The following HDAC9 variants were observed in gnomAD, a reference collection of about 807,000 sequenced individuals.
The protein encoded by HDAC9 is MEF-2 interacting transcription repressor (MITR) protein.
Under a neutral mutation model 139.4 loss-of-function variants are expected in HDAC9, and 41 were observed. The ratio of observed to expected loss-of-function variants is 0.29; its 90% CI spans 0.23 to 0.38. The LOEUF (loss-of-function observed/expected upper bound fraction) is 0.38, where lower values mean the gene tolerates loss of function less well. Among genes scored for constraint, HDAC9 ranks in the 10% least tolerant of loss-of-function variants. HDAC9 has a pLI of 1.00. For missense variants in HDAC9, 1,147 were observed against 1,297.0 expected (o/e 0.88, Z 1.78); for synonymous variants, 517 against 476.2 (o/e 1.09, Z -1.12).
chr7:18,667,849 T>C (rs879140677), intron 12 of HDAC9: 5 of 983,976 alleles, frequency 5.1e-6, no homozygotes, highest in Non-Finnish European at 6.0e-6. Flanking sequence ...CCTTTTGATA[T>C]GTTTACCTTG....
intron 2 of HDAC9, among the ~76,000 whole-genome samples, chr7:18,527,963 T>A (rs1051457019): frequency 6.6e-6 from 1 of 152,066 alleles, no homozygotes; most frequent in African/African-American, 2.4e-5. Context: ...ACTGTAGTTA[T>A]TTTTAAAAAA....
chr7:18,176,651 T>A (rs578023570), intron 2 of HDAC9, among the ~76,000 whole-genome samples: 6 of 152,324 alleles, frequency 3.9e-5, no homozygotes, highest in African/African-American at 7.2e-5. Flanking sequence ...GGTAATTTTT[T>A]AAAAAATTTA....
intron 23 of HDAC9, among the ~76,000 whole-genome samples, chr7:18,953,145 A>G (rs1386439113): frequency 1.3e-5 from 2 of 152,048 alleles, no homozygotes; most frequent in Non-Finnish European, 2.9e-5. Context: ...TCATGCTTTG[A>G]TGCGTCTAGT....
intron 6 of HDAC9, among the ~76,000 whole-genome samples, chr7:18,599,801 C>G (rs1833461377): frequency 6.6e-6 from 1 of 151,938 alleles, no homozygotes. Context: ...GGGTAAATAC[C>G]TAGGAGTACA....
intron 2 of HDAC9, among the ~76,000 whole-genome samples, chr7:18,539,087 T>G (rs1285944118): frequency 6.6e-6 from 1 of 152,186 alleles, no homozygotes; most frequent in Non-Finnish European, 1.5e-5. Flanking sequence ...CTCCAAATGC[T>G]ATCAACATAT....
intron 2 of HDAC9, among the ~76,000 whole-genome samples, chr7:18,164,253 AC>A (rs1562694986): frequency 6.6e-6 from 1 of 152,032 alleles, no homozygotes; most frequent in Non-Finnish European, 1.5e-5. Flanking sequence ...ATGATCAGAG[AC>A]CTGAAATTCA....
At chr7:18,422,738 A>G (rs1355385258) in intron 1 of HDAC9, among the ~76,000 whole-genome samples, 1 of 18,508 alleles carries the variant, frequency 5.4e-5, no homozygotes, top group Admixed American at 1.1e-3. Flanking sequence ...TAAGACACAC[A>G]CACGCGCACA....
At chr7:18,128,664 A>G (rs1031165687) in intron 1 of HDAC9, among the ~76,000 whole-genome samples, 3 of 152,198 alleles carry the variant, frequency 2.0e-5, no homozygotes, top group South Asian at 4.2e-4. Context: ...ATGCACTTAG[A>G]TTTGACTACA....
intron 2 of HDAC9, among the ~76,000 whole-genome samples, chr7:18,269,328 A>T (rs139543435): frequency 0.013 from 1,946 of 152,260 alleles, 19 homozygotes; most frequent in Non-Finnish European, 0.02. Context: ...AAAAAATGAG[A>T]AGTGGGTGTT....
intron 22 of HDAC9, among the ~76,000 whole-genome samples, chr7:18,884,343 AAC>A (rs1477025195): frequency 6.6e-6 from 1 of 152,214 alleles, no homozygotes; most frequent in Non-Finnish European, 1.5e-5. Context: ...GTGGCATAAA[AAC>A]AGACACATAG....
At chr7:18,565,934 C>T (rs1300236689) in intron 2 of HDAC9, among the ~76,000 whole-genome samples, 1 of 151,322 alleles carries the variant, frequency 6.6e-6, no homozygotes, top group Non-Finnish European at 1.5e-5. Flanking sequence ...CTTTATTAAG[C>T]AATGTGGGAG....
At chr7:18,593,755 A>C (rs774186522) in intron 5 of HDAC9, among the ~76,000 whole-genome samples, 153 bp from the exon 6 acceptor site, 12 of 152,168 alleles carry the variant, frequency 7.9e-5, no homozygotes, top group Non-Finnish European at 1.6e-4. Context: ...TGCTACAGTG[A>C]ACTTGGTTAT....
chr7:18,380,531 A>G (rs1785340032), intron 1 of HDAC9, among the ~76,000 whole-genome samples: 1 of 152,222 alleles, frequency 6.6e-6, no homozygotes, highest in Non-Finnish European at 1.5e-5. Flanking sequence ...AGTCATCTGT[A>G]TAGAGAGGAA....
intron 17 of HDAC9, among the ~76,000 whole-genome samples, chr7:18,804,185 C>A (rs2520343): frequency 0.41 from 61,783 of 152,002 alleles, 14,580 homozygotes; most frequent in African/African-American, 0.66. Context: ...TTAAGGGAAG[C>A]ATTATGTAGA....
chr7:18,380,212 G>C (rs1224245220), intron 1 of HDAC9, among the ~76,000 whole-genome samples: 1 of 151,920 alleles, frequency 6.6e-6, no homozygotes, highest in East Asian at 1.9e-4. Context: ...TCAAATAATG[G>C]GTTAACGTAT....
At chr7:18,610,902 G>T (rs530949733) in intron 6 of HDAC9, among the ~76,000 whole-genome samples, 1 of 152,270 alleles carries the variant, frequency 6.6e-6, no homozygotes, top group Admixed American at 6.5e-5. Flanking sequence ...AGTTTATTCA[G>T]AAGCAGGATT....
intron 1 of HDAC9, among the ~76,000 whole-genome samples, chr7:18,343,994 CA>C (rs1431207254): frequency 6.6e-6 from 1 of 151,724 alleles, no homozygotes; most frequent in Non-Finnish European, 1.5e-5. Context: ...GGGTCAGGAC[CA>C]AGTCATATCT....
chr7:18,650,275 A>G (rs1443320124), intron 11 of HDAC9, among the ~76,000 whole-genome samples: 2 of 152,126 alleles, frequency 1.3e-5, no homozygotes, highest in Non-Finnish European at 1.5e-5. Flanking sequence ...TTTTTGCCAT[A>G]TAGTGTTTTG....
At chr7:18,962,227 C>G (rs960610758) in intron 24 of HDAC9, among the ~76,000 whole-genome samples, 2 of 152,134 alleles carry the variant, frequency 1.3e-5, no homozygotes, top group African/African-American at 4.8e-5. Context: ...TATTCTTTGG[C>G]TTTAGACAGA....
Sources: gnomAD v4.1 joint callset for allele counts (sites outside exome capture counted in the v4.1 genomes callset) on GRCh38, gnomAD v4.1.1 for gene constraint, MANE v1.5 for transcripts, NCBI Gene and HGNC (gene_info 2026-07-23, HGNC 2026-07-21) for gene names.